Variants in DCHS2 observed in about 807,000 individuals in gnomAD.
DCHS2 encodes protocadherin-23.
Under a neutral mutation model 182.4 loss-of-function variants are expected in DCHS2, and 142 were observed. The ratio of observed to expected loss-of-function variants is 0.78; its 90% confidence interval spans 0.68 to 0.89. DCHS2 has a LOEUF of 0.89. Among genes scored for constraint, DCHS2 ranks in the 40% least tolerant of loss-of-function variants. The pLI, the probability that DCHS2 is intolerant of heterozygous loss-of-function variation, is 0.00. For missense variants in DCHS2, 4,319 were observed against 4,198.6 expected (o/e 1.03, Z -0.79); for synonymous variants, 1,740 against 1,663.3 (o/e 1.05, Z -1.12).
At position 154,333,231 on chromosome 4, in the gene DCHS2, G is replaced by T. The variant is rs199992218; in HGVS notation, c.2977C>A (p.Pro993Thr). Residue 993 changes from proline to threonine, a missense_variant, in exon 5 of 20, where the codon CCC becomes ACC. Pro to Thr is a conservative substitution (Grantham distance 38). Coordinates refer to ENST00000357232, the MANE Select transcript of DCHS2 (RefSeq NM_001358235.2). ...GCGAGGTACAAGGCTGTGCCAGGGG[G>T]CGTGGTCTGGGATATTCTAATCTCA... Reference protein sequence around the residue: ...SDEIRISQTTPPGTALYLARA... With the variant: ...SDEIRISQTTTPGTALYLARA... The T allele has an allele frequency of 6.2e-7, 1 of 1,614,100 alleles. No individual in the cohort carries two copies. Among genetic ancestry groups the T allele is most frequent in the Non-Finnish European group, 8.5e-7 (1 of 1,180,048 alleles).
At chr4:154,381,171 G>C (rs1731149893) in intron 1 of DCHS2, among the ~76,000 whole-genome samples, 1 of 151,964 alleles carries the variant, frequency 6.6e-6, no homozygotes. Flanking sequence ...ACATTCCTGT[G>C]TTCTTCATCC....
At chr4:154,376,629 C>A (rs918725217) in intron 2 of DCHS2, among the ~76,000 whole-genome samples, 1 of 152,110 alleles carries the variant, frequency 6.6e-6, no homozygotes, top group Non-Finnish European at 1.5e-5. Flanking sequence ...TTTTCAACCT[C>A]TAAGAAAATA....
intron 2 of DCHS2, among the ~76,000 whole-genome samples, chr4:154,375,796 T>C (rs1448828742): frequency 6.6e-6 from 1 of 152,116 alleles, no homozygotes; most frequent in Non-Finnish European, 1.5e-5. Flanking sequence ...ATATTGCAAG[T>C]ATAAGAATGT....
chr4:154,438,067 A>G lies in DCHS2; in HGVS notation c.2052+51237T>C, dbSNP rs547866695. On this transcript the variant is annotated intron_variant, in intron 1 of 19. Coordinates refer to ENST00000357232, the MANE Select transcript of DCHS2 (RefSeq NM_001358235.2). ...AAATTACTCCTCTCAGTCCCCCTGT[A>G]TACTTCCTCACTGTCAGTCACCCTC... 1.4e-3 allele frequency among the ~76,000 whole-genome samples: 206 copies of G among 152,192 alleles called. 3 individuals are homozygous for G. Among genetic ancestry groups the G allele is most frequent in the Non-Finnish European group, 1.7e-3 (115 of 68,034 alleles).
At chr4:154,280,673 T>A (rs937371559) in intron 13 of DCHS2, among the ~76,000 whole-genome samples, 8 of 152,008 alleles carry the variant, frequency 5.3e-5, no homozygotes, top group Non-Finnish European at 1.0e-4. Context: ...AAATTCAACA[T>A]GCTTTCATGG....
rs754736366 is a variant in DCHS2 at position 154,236,542 on chromosome 4, T to C, written c.8110A>G (p.Ile2704Val). Reference sequence around the variant, plus strand: ...TGTCCCTTCTCATTTCCAGAGATGATGTTGTAGATGATTTCTGCATGTGAC... The same window carrying C: ...TGTCCCTTCTCATTTCCAGAGATGACGTTGTAGATGATTTCTGCATGTGAC... ...TGSHAEIIYN[I>V]ISGNEKGHFY... Residue 2704 changes from isoleucine (I) to valine (V), a missense_variant, in exon 20 of 20, where the codon ATC (isoleucine) becomes GTC (valine). Coordinates refer to ENST00000357232, the MANE Select transcript of DCHS2 (RefSeq NM_001358235.2). The C allele has an allele frequency of 4.3e-6, 7 of 1,613,894 alleles. No individual in the cohort carries two copies. Among genetic ancestry groups the C allele is most frequent in the South Asian group, 3.3e-5 (3 of 91,080 alleles).
intron 19 of DCHS2, among the ~76,000 whole-genome samples, chr4:154,238,159 T>TGGGGGG (rs571738661): frequency 4.3e-4 from 51 of 117,276 alleles, no homozygotes; most frequent in Non-Finnish European, 5.4e-4. Flanking sequence ...GAAAAGACGG[T>TGGGGGG]GGGGGGGTGG....
Position 154,304,789 on chromosome 4 carries a change from ACT to A in DCHS2, c.5483_5484del (p.Glu1828ValfsTer7). 1 of 1,613,766 alleles carries A rather than the reference ACT, an allele frequency of 6.2e-7. No individual in the cohort carries two copies. On this transcript the variant is annotated frameshift_variant, in exon 12 of 20. Coordinates refer to ENST00000357232, the MANE Select transcript of DCHS2 (RefSeq NM_001358235.2). LOFTEE classifies it high-confidence loss of function. ...TVEDENDHAP[E>X]FIVSSYDIEV... The stretch of plus-strand genomic sequence containing the variant: ...TCAATGTCATAACTGGAAACAATAA[ACT>A]CTGGTGCGTGATCGTTTTCATCTTC...
intron 18 of DCHS2, among the ~76,000 whole-genome samples, 181 bp from the exon 19 acceptor site, chr4:154,239,483 C>T (rs1221763135): frequency 6.6e-6 from 1 of 152,022 alleles, no homozygotes; most frequent in African/African-American, 2.4e-5. Context: ...TGTGAATAGT[C>T]CCTGGATTCA....
intron 1 of DCHS2, among the ~76,000 whole-genome samples, chr4:154,393,466 C>A (rs2110854113): frequency 6.6e-6 from 1 of 152,230 alleles, no homozygotes; most frequent in African/African-American, 2.4e-5. Context: ...TAAAAAGATC[C>A]TCTTTATGTA....
intron 18 of DCHS2, 97 bp from the exon 19 acceptor site, chr4:154,239,399 T>C (rs1228578737): frequency 1.3e-6 from 2 of 1,547,332 alleles, no homozygotes; most frequent in African/African-American, 2.8e-5. Context: ...TTCATTTTGA[T>C]TATGGAAACC....
At chr4:154,353,549 G>C (rs1185773289) in intron 3 of DCHS2, among the ~76,000 whole-genome samples, 1 of 152,182 alleles carries the variant, frequency 6.6e-6, no homozygotes, top group Admixed American at 6.5e-5. Context: ...CACCCTCATT[G>C]TTCCCTGACT....
At chr4:154,271,973 C>T (rs1578891514) in intron 13 of DCHS2, among the ~76,000 whole-genome samples, 1 of 152,236 alleles carries the variant, frequency 6.6e-6, no homozygotes, top group East Asian at 1.9e-4. Context: ...AATCACTGAT[C>T]TGCTTTCTAT....
chr4:154,477,571 G>A (rs1735738834), intron 1 of DCHS2, among the ~76,000 whole-genome samples: 1 of 152,162 alleles, frequency 6.6e-6, no homozygotes, highest in African/African-American at 2.4e-5. Flanking sequence ...AAGGTGCTCA[G>A]CATGAGTAAC....
chr4:154,442,527 AC>A (rs1734069648), intron 1 of DCHS2, among the ~76,000 whole-genome samples: 3 of 50,464 alleles, frequency 5.9e-5, no homozygotes, highest in Non-Finnish European at 7.4e-5. Context: ...TGAAAAGTGG[AC>A]ACCCCCCCCC....
chr4:154,397,369 T>G (rs192710868), intron 1 of DCHS2, among the ~76,000 whole-genome samples: 1 of 152,360 alleles, frequency 6.6e-6, no homozygotes, highest in Non-Finnish European at 1.5e-5. Flanking sequence ...TGAAGTAAGT[T>G]TAGTCTAGGT....
chr4:154,485,161 A>C lies in DCHS2; in HGVS notation c.2052+4143T>G, dbSNP rs60514211. Among the ~76,000 whole-genome samples the C allele has an allele frequency of 6.3e-3, 954 of 152,084 alleles. 19 individuals carry two copies. The South Asian group carries it at 0.067, about 11-fold the overall frequency. On this transcript the variant is annotated intron_variant, in intron 1 of 19. Coordinates refer to ENST00000357232, the MANE Select transcript of DCHS2 (RefSeq NM_001358235.2). ...AGGAAGAGATTATAGAAAGGCAAGGAGTGAGGGGAAGACAGAGCCTTTGGG... is the reference window on the plus strand; with the variant it reads ...AGGAAGAGATTATAGAAAGGCAAGGCGTGAGGGGAAGACAGAGCCTTTGGG...
chr4:154,489,425 G>A lies in DCHS2; in HGVS notation c.1931C>T (p.Ser644Phe). The part of the protein sequence containing the change: ...VAQDLGEPPL[S>F]ATCLVSITVD... ...GGTGATGCTCACCAGGCAGGTGGCA[G>A]AGAGTGGGGGCTCTCCGAGGTCCTG... The change falls in exon 1 of 20, where the codon TCT (serine) becomes TTT (phenylalanine). Residue 644 changes from serine (S) to phenylalanine (F), a missense_variant. Coordinates refer to ENST00000357232, the MANE Select transcript of DCHS2 (RefSeq NM_001358235.2). 5 of 1,551,766 alleles carry A rather than the reference G, an allele frequency of 3.2e-6. No homozygotes were observed. The highest frequency in any genetic ancestry group is 4.4e-6 in the Non-Finnish European group (5 of 1,147,008).
intron 13 of DCHS2, among the ~76,000 whole-genome samples, chr4:154,276,374 G>A (rs1047504615): frequency 9.2e-5 from 14 of 152,064 alleles, no homozygotes; most frequent in Middle Eastern, 3.4e-3. Flanking sequence ...AACTCTGACC[G>A]CTCACAGCAG....
Sources: gnomAD v4.1 joint callset for allele counts (sites outside exome capture counted in the v4.1 genomes callset) on GRCh38, gnomAD v4.1.1 for gene constraint, MANE v1.5 for transcripts, NCBI Gene and HGNC (gene_info 2026-07-23, HGNC 2026-07-21) for gene names.